Variants in BAG3 observed in about 807,000 individuals in gnomAD.
The protein encoded by BAG3 is BAG cochaperone 3, also known as BAG family molecular chaperone regulator 3.
Under a neutral mutation model 40.5 loss-of-function variants are expected in BAG3, and 14 were observed. The observed-to-expected ratio is 0.35, with a 90% CI of 0.23 to 0.54. BAG3 has a LOEUF of 0.54. Ranked by LOEUF, BAG3 falls within the 20% of genes least tolerant of loss-of-function variation. BAG3 has a pLI of 0.91. For missense variants in BAG3, 788 were observed against 758.6 expected, an observed-to-expected ratio of 1.04 and a Z score of -0.46; for synonymous variants, 302 against 307.8, an observed-to-expected ratio of 0.98 and a Z score of 0.20.
intron 1 of BAG3, among the ~76,000 whole-genome samples, chr10:119,655,337 A>G (rs528083962): frequency 1.5e-4 from 23 of 152,268 alleles, no homozygotes; most frequent in Middle Eastern, 3.4e-3. Context: ...AGGAAGAAGC[A>G]AGCCAGAGCC....
rs563836733 is a variant in BAG3, at chr10:119,673,562, C to T, written c.909+906C>T. Among the ~76,000 whole-genome samples, 10 of 152,298 alleles carry T rather than the reference C, an allele frequency of 6.6e-5. 1 individual carries two copies. Among genetic ancestry groups the T allele is most frequent in the African/African-American group, 2.2e-4 (9 of 41,556 alleles). The stretch of plus-strand genomic sequence containing the variant: ...AGCAGGACAGTCAGCAGCCCTGGGC[C>T]CCCTGTGGCTGCAACTTGAGCAGCT... On this transcript the variant is annotated intron_variant, in intron 3 of 3. Coordinates refer to ENST00000369085, the MANE Select transcript of BAG3 (RefSeq NM_004281.4).
At chr10:119,676,055 A>G (rs1847230469) in intron 3 of BAG3, among the ~76,000 whole-genome samples, 1 of 149,234 alleles carries the variant, frequency 6.7e-6, no homozygotes, top group Non-Finnish European at 1.5e-5. Context: ...CCTTCTGAGT[A>G]GCTGGGACTA....
chr10:119,666,244 G>T (rs1847064843), intron 1 of BAG3, among the ~76,000 whole-genome samples: 1 of 152,100 alleles, frequency 6.6e-6, no homozygotes, highest in Non-Finnish European at 1.5e-5. Flanking sequence ...CACTCAGAAG[G>T]GTGGACCTCA....
intron 3 of BAG3, among the ~76,000 whole-genome samples, chr10:119,673,281 G>T (rs1391298811): frequency 6.6e-6 from 1 of 152,314 alleles, no homozygotes; most frequent in African/African-American, 2.4e-5. Context: ...ATTATTCGGG[G>T]CATTTCAGAA....
chr10:119,668,075 G>A (rs1383305089), intron 1 of BAG3, among the ~76,000 whole-genome samples: 1 of 152,218 alleles, frequency 6.6e-6, no homozygotes. Flanking sequence ...GAGTTAAGCA[G>A]GCTAATGTAA....
rs1846925648 is a variant in BAG3, at chr10:119,657,202, T to C, written c.180+5347T>C. 3.3e-5 allele frequency among the ~76,000 whole-genome samples: 5 copies of C among 152,280 alleles called. No individual in the cohort carries two copies. In the South Asian group the frequency reaches 1.0e-3, roughly 32 times the overall value. On this transcript the variant is annotated intron_variant, in intron 1 of 3. Coordinates refer to ENST00000369085, the MANE Select transcript of BAG3 (RefSeq NM_004281.4). The stretch of plus-strand genomic sequence containing the variant: ...TTTACCCCATCTGAAATTCACTGAG[T>C]GCCCACAGTGTGCGAGTCACAGTGT...
chr10:119,675,539 C>T (rs1687421071), intron 3 of BAG3, among the ~76,000 whole-genome samples: 1 of 152,104 alleles, frequency 6.6e-6, no homozygotes, highest in Non-Finnish European at 1.5e-5. Flanking sequence ...AACTACTAGG[C>T]TGTCACGGTT....
At position 119,672,768 on chromosome 10, in the gene BAG3, G is replaced by A; in HGVS notation, c.909+112G>A. 3 of 1,445,030 alleles carry A rather than the reference G, an allele frequency of 2.1e-6. No homozygotes were observed. Among genetic ancestry groups the A allele is most frequent in the East Asian group, 2.3e-5 (1 of 43,160 alleles). The allele number at this position is 1,445,030 out of a possible 1,614,324, so 89.5% of individuals were successfully genotyped here. ...TCATCCCTGCCTATTTAACATGCGTGTACCTACAGGCAAGTGAGATTCGAG... is the reference window on the plus strand; with the variant it reads ...TCATCCCTGCCTATTTAACATGCGTATACCTACAGGCAAGTGAGATTCGAG... On this transcript the variant is annotated intron_variant, in intron 3 of 3. Coordinates refer to ENST00000369085, the MANE Select transcript of BAG3 (RefSeq NM_004281.4). This position sits in a 1 kb window ranked among gnomAD's most constrained non-coding sequence, Gnocchi z 4.8.
intron 3 of BAG3, 88 bp from the exon 4 acceptor site, chr10:119,676,376 A>C (rs1831243949): frequency 6.5e-6 from 9 of 1,393,396 alleles, no homozygotes; most frequent in African/African-American, 1.4e-5. Flanking sequence ...GCCATTTCTC[A>C]GTTTTCTTTC....
intron 3 of BAG3, among the ~76,000 whole-genome samples, chr10:119,674,509 G>C (rs1847192610): frequency 6.6e-6 from 1 of 152,150 alleles, no homozygotes; most frequent in Admixed American, 6.6e-5. Context: ...GTTCCCTTTT[G>C]GGAGGCTTTC....
intron 1 of BAG3, among the ~76,000 whole-genome samples, chr10:119,656,852 C>T (rs1244215715): frequency 6.6e-6 from 1 of 152,098 alleles, no homozygotes; most frequent in Non-Finnish European, 1.5e-5. Context: ...TCTAAATCCT[C>T]ACCAGCTCTT....
intron 1 of BAG3, among the ~76,000 whole-genome samples, chr10:119,668,060 C>G (rs913923051): frequency 6.6e-6 from 1 of 152,214 alleles, no homozygotes. Flanking sequence ...TCTTGGGTGA[C>G]CTGAGAGTTA....
At chr10:119,673,165 G>A (rs1353295567) in intron 3 of BAG3, among the ~76,000 whole-genome samples, 4 of 152,180 alleles carry the variant, frequency 2.6e-5, no homozygotes, top group Admixed American at 6.5e-5. Flanking sequence ...TCTGAGGGAC[G>A]AGCCAGTCTT....
chr10:119,659,020 G>C (rs1245637406), intron 1 of BAG3, among the ~76,000 whole-genome samples: 1 of 152,172 alleles, frequency 6.6e-6, no homozygotes, highest in African/African-American at 2.4e-5. Flanking sequence ...TTTCTTAGAA[G>C]CAAGGCCTCC....
chr10:119,662,358 C>A (rs1375051620), intron 1 of BAG3, among the ~76,000 whole-genome samples: 1 of 151,812 alleles, frequency 6.6e-6, no homozygotes, highest in Non-Finnish European at 1.5e-5. Flanking sequence ...TGTAAGCCAC[C>A]ACGCCCAGTT....
In BAG3 at chr10:119,677,124, A is replaced by T. The variant is rs764925485; in HGVS notation, c.1570A>T (p.Ile524Phe). Residue 524 changes from isoleucine to phenylalanine, a missense_variant, in exon 4 of 4, where the codon ATC becomes TTC. By Grantham distance (21) the Ile-to-Phe change is conservative (BLOSUM62 0). Transcript: ENST00000369085. The stretch of plus-strand genomic sequence containing the variant: ...TGAAGCAGATCAGCCACTGCAGGCA[A>T]TCATGGAGATGGGTGCCGTGGCAGC... ...NLEADQPLQA[I>F]MEMGAVAADK... 1.2e-6 allele frequency: 2 copies of T among 1,614,188 alleles called. No individual in the cohort carries two copies. The highest frequency in any genetic ancestry group is 1.7e-5 in the Admixed American group (1 of 60,016).
intron 1 of BAG3, among the ~76,000 whole-genome samples, chr10:119,667,648 A>G (rs771671131): frequency 6.6e-6 from 1 of 152,086 alleles, no homozygotes; most frequent in Non-Finnish European, 1.5e-5. Context: ...CCCTTAGCCC[A>G]TCTTCTAAGC....
At chr10:119,652,258 C>A (rs1171131562) in intron 1 of BAG3, among the ~76,000 whole-genome samples, 1 of 152,054 alleles carries the variant, frequency 6.6e-6, no homozygotes, top group African/African-American at 2.4e-5. Flanking sequence ...CCCGCTCGGC[C>A]TCCGGGCCCG....
chr10:119,677,563 G>T lies in BAG3; in HGVS notation c.*281G>T. On this transcript the variant is annotated 3_prime_UTR_variant, in exon 4 of 4. Transcript: ENST00000369085. ...GTCTACTTGGGCACCCCCACCACCT[G>T]TTAGCTGTGGTTGTGCACTGTCTTT... The T allele has an allele frequency of 2.0e-6, 1 of 512,056 alleles. No homozygotes were observed. The highest frequency in any genetic ancestry group is 2.1e-5 in the South Asian group (1 of 48,552). 31.7% of individuals were successfully genotyped at this position (512,056 alleles called of 1,614,324 possible). A position where few individuals can be genotyped will look rare whatever the true frequency, so the allele number is the denominator to read the frequency against.
Sources: allele counts gnomAD v4.1 joint callset (sites outside exome capture counted in the v4.1 genomes callset), GRCh38; gene constraint gnomAD v4.1.1; non-coding constraint Gnocchi (gnomAD v3.1); transcripts MANE v1.5; gene names NCBI Gene and HGNC (gene_info 2026-07-23, HGNC 2026-07-21).